The following MYO3B variants were observed in gnomAD, a reference collection of about 807,000 sequenced individuals.
MYO3B encodes the protein myosin-IIIb.
In MYO3B, 156 loss-of-function variants were observed where a neutral mutation model predicts 174.6. That is an observed-to-expected ratio of 0.89 (90% CI 0.78 to 1.02). The LOEUF (loss-of-function observed/expected upper bound fraction) is 1.02. Ranked by LOEUF, MYO3B falls within the 50% of genes least tolerant of loss-of-function variation. The pLI, the probability that MYO3B is intolerant of heterozygous loss-of-function variation, is 0.00. For synonymous variants in MYO3B, 563 were observed against 569.1 expected (o/e 0.99, Z 0.15); for missense variants, 1,632 against 1,639.4 (o/e 1.00, Z 0.08).
intron 32 of MYO3B, chr2:170,602,346 C>A: frequency 1.5e-6 from 1 of 646,836 alleles, no homozygotes; most frequent in South Asian, 1.9e-5. Flanking sequence ...GAGTGGGAGC[C>A]GGGCATAGCC....
chr2:170,648,700 TA>T (rs1421548543), intron 32 of MYO3B, among the ~76,000 whole-genome samples: 1 of 129,360 alleles, frequency 7.7e-6, no homozygotes, highest in African/African-American at 3.1e-5. Flanking sequence ...CTATATAATA[TA>T]TATTATATTC....
intron 30 of MYO3B, among the ~76,000 whole-genome samples, chr2:170,523,080 T>C (rs188051340): frequency 6.6e-6 from 1 of 152,350 alleles, no homozygotes; most frequent in Non-Finnish European, 1.5e-5. Context: ...CACCACACTT[T>C]GGTGTTTCAA....
chr2:170,635,434 G>T (rs973669903), intron 32 of MYO3B, among the ~76,000 whole-genome samples: 6 of 152,082 alleles, frequency 3.9e-5, no homozygotes, highest in Admixed American at 3.3e-4. Context: ...GACACAGTAA[G>T]AGGAACATCA....
At chr2:170,427,208 T>C (rs1404427180) in intron 22 of MYO3B, among the ~76,000 whole-genome samples, 1 of 152,182 alleles carries the variant, frequency 6.6e-6, no homozygotes, top group East Asian at 1.9e-4. Flanking sequence ...TTGTGATGCT[T>C]GTAGAGTTCC....
intron 6 of MYO3B, among the ~76,000 whole-genome samples, chr2:170,234,751 T>A (rs2093052844): frequency 6.6e-6 from 1 of 152,222 alleles, no homozygotes; most frequent in African/African-American, 2.4e-5. Context: ...TGGTTGCTCA[T>A]GTCAAAAACT....
intron 30 of MYO3B, among the ~76,000 whole-genome samples, chr2:170,528,520 C>T (rs1272784786): frequency 6.6e-6 from 1 of 152,188 alleles, no homozygotes; most frequent in Non-Finnish European, 1.5e-5. Context: ...ATTCTCCTGC[C>T]TCAGCCTCCT....
At chr2:170,477,421 T>G (rs1221349890) in intron 25 of MYO3B, among the ~76,000 whole-genome samples, 1 of 152,184 alleles carries the variant, frequency 6.6e-6, no homozygotes, top group African/African-American at 2.4e-5. Context: ...CCCACAAGAC[T>G]GTGAACTTTT....
chr2:170,474,187 G>T (rs1156593967), intron 25 of MYO3B, among the ~76,000 whole-genome samples: 2 of 152,100 alleles, frequency 1.3e-5, no homozygotes, highest in Non-Finnish European at 2.9e-5. Flanking sequence ...TGGCAAAGAT[G>T]GTCCCTGGAT....
intron 22 of MYO3B, among the ~76,000 whole-genome samples, chr2:170,417,463 G>T (rs2094588174): frequency 6.6e-6 from 1 of 152,198 alleles, no homozygotes; most frequent in Non-Finnish European, 1.5e-5. Flanking sequence ...TGAAGGCCAA[G>T]TCTGGACTCC....
intron 32 of MYO3B, among the ~76,000 whole-genome samples, chr2:170,590,580 T>C (rs991208079): frequency 6.7e-6 from 1 of 150,000 alleles, no homozygotes; most frequent in African/African-American, 2.5e-5. Flanking sequence ...TAGTATACTA[T>C]ATATGATTGA....
intron 28 of MYO3B, among the ~76,000 whole-genome samples, chr2:170,508,203 A>G (rs1687740978): frequency 6.6e-6 from 1 of 152,196 alleles, no homozygotes; most frequent in Admixed American, 6.5e-5. Context: ...TTTCTCCATT[A>G]TGAACCTTGT....
At chr2:170,264,668 G>A (rs908292282) in intron 7 of MYO3B, among the ~76,000 whole-genome samples, 9 of 152,056 alleles carry the variant, frequency 5.9e-5, no homozygotes, top group Non-Finnish European at 1.3e-4. Context: ...GAGATGGTAT[G>A]GCAAAATACC....
intron 8 of MYO3B, among the ~76,000 whole-genome samples, chr2:170,353,072 T>C (rs947980784): frequency 6.6e-6 from 1 of 152,214 alleles, no homozygotes; most frequent in Non-Finnish European, 1.5e-5. Context: ...CCTAAAGGAA[T>C]TGAAAACTTA....
At chr2:170,274,418 C>T (rs140645065) in intron 7 of MYO3B, among the ~76,000 whole-genome samples, 29 of 152,200 alleles carry the variant, frequency 1.9e-4, no homozygotes, top group African/African-American at 6.5e-4. Flanking sequence ...TCAGTGCAAC[C>T]GGGAAAGCTT....
At chr2:170,408,908 C>T (rs944777760) in intron 22 of MYO3B, among the ~76,000 whole-genome samples, 1 of 152,178 alleles carries the variant, frequency 6.6e-6, no homozygotes, top group African/African-American at 2.4e-5. Flanking sequence ...CCATTCCAGA[C>T]CTTCCTTGGA....
intron 25 of MYO3B, among the ~76,000 whole-genome samples, chr2:170,474,922 G>A (rs1430020464): frequency 6.6e-6 from 1 of 152,014 alleles, no homozygotes; most frequent in African/African-American, 2.4e-5. Context: ...CAAAAATTTT[G>A]CTGACAATAA....
intron 6 of MYO3B, among the ~76,000 whole-genome samples, chr2:170,219,697 C>G (rs952089846): frequency 1.3e-5 from 2 of 151,866 alleles, no homozygotes; most frequent in Non-Finnish European, 1.5e-5. Context: ...TGTAAGAAAG[C>G]CAAAGGGATA....
intron 7 of MYO3B, among the ~76,000 whole-genome samples, chr2:170,335,060 T>C (rs1288213679): frequency 6.6e-6 from 1 of 152,224 alleles, no homozygotes; most frequent in Non-Finnish European, 1.5e-5. Flanking sequence ...CTTATAGCAC[T>C]AATAATCCTC....
rs1156607412 is a variant in MYO3B, at chr2:170,653,840, A to C, written c.*719A>C. 3 of 152,196 alleles carry C rather than the reference A, an allele frequency of 2.0e-5. No individual in the cohort carries two copies. Among genetic ancestry groups the C allele is most frequent in the African/African-American group, 7.2e-5 (3 of 41,450 alleles). 9.4% of individuals were successfully genotyped at this position (152,196 alleles called of 1,614,324 possible). The stretch of plus-strand genomic sequence containing the variant: ...GATGAAAAGAAAGGAATGAGAGGGA[A>C]AGTTTGGACCTGTCACTTTGGTGAC... On this transcript the variant is annotated 3_prime_UTR_variant, in exon 35 of 35. Transcript: ENST00000408978.
Sources: gnomAD v4.1 joint callset for allele counts (sites outside exome capture counted in the v4.1 genomes callset) on GRCh38, gnomAD v4.1.1 for gene constraint, MANE v1.5 for transcripts, NCBI Gene and HGNC (gene_info 2026-07-23, HGNC 2026-07-21) for gene names.